The following ARHGDIG variants were observed in gnomAD, a reference collection of about 807,000 sequenced individuals.
ARHGDIG encodes the protein Rho GDP dissociation inhibitor gamma.
In ARHGDIG, 14 loss-of-function variants were observed where a neutral mutation model predicts 20.2. The observed-to-expected ratio is 0.69, with a 90% confidence interval of 0.46 to 1.08. The LOEUF (loss-of-function observed/expected upper bound fraction) is 1.08, where lower values mean the gene tolerates loss of function less well. Ranked by LOEUF, ARHGDIG falls within the 50% of genes least tolerant of loss-of-function variation. ARHGDIG has a pLI of 0.00. For missense variants in ARHGDIG, 311 were observed against 301.8 expected, an observed-to-expected ratio of 1.03 and a Z score of -0.23; for synonymous variants, 193 against 138.6, an observed-to-expected ratio of 1.39 and a Z score of -2.76.
At chr16:281,533 G>T in intron 1 of ARHGDIG, 1 of 541,690 alleles carries the variant, frequency 1.8e-6, no homozygotes, top group South Asian at 2.9e-5. Flanking sequence ...AGGCCTGGCG[G>T]TCTCTGGAGG....
Position 281,773 on chromosome 16 carries a change from C to T in ARHGDIG, c.101C>T (p.Pro34Leu), listed in dbSNP as rs894442219. The T allele has an allele frequency of 7.5e-6, 12 of 1,604,052 alleles. No individual in the cohort carries two copies. The East Asian group carries it at 1.3e-4, about 18-fold the overall frequency. Residue 34 changes from proline to leucine, a missense_variant, in exon 2 of 6, where the codon CCG (proline) becomes CTG (leucine). Coordinates refer to ENST00000219409, the MANE Select transcript of ARHGDIG (RefSeq NM_001176.4). ...CTCCTGGCTGACAAGGAGGGTGGGCCGCCGGCAGTGGACGAGGTGTTGGAT... is the reference window on the plus strand; with the variant it reads ...CTCCTGGCTGACAAGGAGGGTGGGCTGCCGGCAGTGGACGAGGTGTTGGAT... ...RVLLADKEGGPPAVDEVLDEA... is the reference protein window; with the variant it reads ...RVLLADKEGGLPAVDEVLDEA...
rs1291830439 is a variant in ARHGDIG, at chr16:280,695, C to T, written c.15C>T (p.Asp5=). 28 of 1,227,306 alleles carry T rather than the reference C, an allele frequency of 2.3e-5. No homozygotes were observed. Among genetic ancestry groups the T allele is most frequent in the Non-Finnish European group, 2.9e-5 (28 of 977,912 alleles). The allele number at this position is 1,227,306 out of a possible 1,614,324, so 76.0% of individuals were successfully genotyped here. The change falls in exon 1 of 6, where the codon GAC becomes GAT. Residue 5 remains aspartate, a synonymous_variant. Coordinates refer to ENST00000219409, the MANE Select transcript of ARHGDIG (RefSeq NM_001176.4). The surrounding 1 kb of genome is among the most constrained non-coding windows in gnomAD (Gnocchi z 6.6). ...CGCGCGCCGCCATGCTGGGCCTGGA[C>T]GCGTGCGAGCTGGGGGCGCAGCTGC... MLGL[D]ACELGAQLLE...
chr16:280,690 C>G lies in ARHGDIG; in HGVS notation c.10C>G (p.Leu4Val). Reference sequence around the variant, plus strand: ...CGGGCCGCGCGCCGCCATGCTGGGCCTGGACGCGTGCGAGCTGGGGGCGCA... The same window carrying G: ...CGGGCCGCGCGCCGCCATGCTGGGCGTGGACGCGTGCGAGCTGGGGGCGCA... MLG[L>V]DACELGAQLL... Residue 4 changes from leucine (L) to valine (V), a missense_variant, in exon 1 of 6, where the codon CTG (leucine) becomes GTG (valine). Transcript: ENST00000219409. The surrounding 1 kb of genome is among the most constrained non-coding windows in gnomAD (Gnocchi z 6.6). The G allele has an allele frequency of 8.2e-7, 1 of 1,213,206 alleles. No homozygotes were observed. 75.2% of individuals were successfully genotyped at this position (1,213,206 alleles called of 1,614,324 possible). A position where few individuals can be genotyped will look rare whatever the true frequency, so the allele number is the denominator to read the frequency against.
At position 280,966 on chromosome 16, in the gene ARHGDIG, C is replaced by G. The variant is rs562429863; in HGVS notation, c.73+213C>G. 3 of 239,802 alleles carry G rather than the reference C, an allele frequency of 1.3e-5. No homozygotes were observed. Among genetic ancestry groups the G allele is most frequent in the Middle Eastern group, 7.8e-4 (1 of 1,288 alleles). The allele number at this position is 239,802 out of a possible 1,614,324, so 14.9% of individuals were successfully genotyped here. ...CGGGTCGGCTTGGGAAGCGGCGGCG[C>G]TGGGACCCTCTCCCCCTGGACACCG... On this transcript the variant is annotated intron_variant, in intron 1 of 5. Coordinates refer to ENST00000219409, the MANE Select transcript of ARHGDIG (RefSeq NM_001176.4). This position sits in a 1 kb window ranked among gnomAD's most constrained non-coding sequence, Gnocchi z 6.6.
In ARHGDIG at chr16:280,746, C is replaced by T. The variant is rs2052274759; in HGVS notation, c.66C>T (p.Cys22=). ...TGGAGCTGCTCCGGCTGGCGCTGTG[C>T]GCCCGAGGTGAGCGGGCCGGGCAGG... ...QLLELLRLAL[C]ARVLLADKEG... is the part of the protein sequence containing the mutation. Residue 22 remains cysteine (C), a synonymous_variant, in exon 1 of 6, where the codon TGC becomes TGT. Coordinates refer to ENST00000219409, the MANE Select transcript of ARHGDIG (RefSeq NM_001176.4). This position sits in a 1 kb window ranked among gnomAD's most constrained non-coding sequence, Gnocchi z 6.6. The T allele has an allele frequency of 7.7e-7, 1 of 1,292,166 alleles. No homozygotes were observed. The highest frequency in any genetic ancestry group is 9.8e-7 in the Non-Finnish European group (1 of 1,015,944). 80.0% of individuals were successfully genotyped at this position (1,292,166 alleles called of 1,614,324 possible).
At chr16:282,428 C>T (rs1412765231) in intron 4 of ARHGDIG, 39 bp from the exon 5 acceptor site, 1 of 1,611,994 alleles carries the variant, frequency 6.2e-7, no homozygotes, top group African/African-American at 1.3e-5. Context: ...CAGCCAGAGG[C>T]CTGGCCCCCA....
At position 280,600 on chromosome 16, in the gene ARHGDIG, G is replaced by A. The variant is rs1362267664; in HGVS notation, c.-81G>A. The A allele has an allele frequency of 2.9e-5, 20 of 678,460 alleles. No homozygotes were observed. Among genetic ancestry groups the A allele is most frequent in the Non-Finnish European group, 3.4e-5 (19 of 552,184 alleles). 42.0% of individuals were successfully genotyped at this position (678,460 alleles called of 1,614,324 possible). On this transcript the variant is annotated 5_prime_UTR_variant, in exon 1 of 6. Transcript: ENST00000219409. The surrounding 1 kb of genome is among the most constrained non-coding windows in gnomAD (Gnocchi z 6.6). ...GGGATGAGCTCACCGCAGTCGCGCC[G>A]GGGCTGAGCGCCGAGCGGGGCGGCG...
intron 4 of ARHGDIG, 47 bp downstream of exon 4, chr16:282,420 G>A: frequency 6.2e-7 from 1 of 1,612,096 alleles, no homozygotes; most frequent in Non-Finnish European, 8.5e-7. Flanking sequence ...GGGGGCAACA[G>A]CCAGAGGCCT....
intron 5 of ARHGDIG, 28 bp downstream of exon 5, chr16:282,558 C>CGGGGGGGGGGGGGGAGGGGGGGG: frequency 7.6e-7 from 1 of 1,310,078 alleles, no homozygotes; most frequent in African/African-American, 1.8e-5. Flanking sequence ...GGGAACGGGG[C>CGGGGGGGGGGGGGGAGGGGGGGG]GGGGGGGGGA....
chr16:282,700 G>A lies in ARHGDIG; in HGVS notation c.564G>A (p.Arg188=), dbSNP rs1250587326. 3.1e-6 allele frequency: 5 copies of A among 1,603,134 alleles called. No individual in the cohort carries two copies. The highest frequency in any genetic ancestry group is 4.3e-6 in the Non-Finnish European group (5 of 1,174,760). ...EFVTPVEEAP[R]GALVRGPYLV... is the part of the protein sequence containing the mutation. The stretch of plus-strand genomic sequence containing the variant: ...TGACTCCGGTGGAGGAAGCGCCGAG[G>A]GGTGCGCTGGTGCGGGGCCCCTATC... The change falls in exon 6 of 6, where the codon AGG becomes AGA. Residue 188 remains arginine (R), a synonymous_variant. Coordinates refer to ENST00000219409, the MANE Select transcript of ARHGDIG (RefSeq NM_001176.4).
Position 281,901 on chromosome 16 carries a change from C to G in ARHGDIG, c.229C>G (p.Leu77Val). The G allele has an allele frequency of 6.2e-7, 1 of 1,605,940 alleles. No individual in the cohort carries two copies. The highest frequency in any genetic ancestry group is 8.5e-7 in the Non-Finnish European group (1 of 1,178,610). ...CCTGGCCAAGTACAAGCGGGTGCTG[C>G]TGGGGCCCCTGCCACCGGCCGTGGG... is the stretch of plus-strand genomic sequence containing the variant. ...RSLAKYKRVL[L>V]GPLPPAVDPS... Residue 77 changes from leucine to valine, a missense_variant, in exon 2 of 6, where the codon CTG (leucine) becomes GTG (valine). Leu to Val is a conservative substitution (Grantham distance 32). Transcript: ENST00000219409.
At chr16:281,536 T>C in intron 1 of ARHGDIG, 1 of 548,008 alleles carries the variant, frequency 1.8e-6, no homozygotes, top group Non-Finnish European at 3.2e-6. Flanking sequence ...CCTGGCGGTC[T>C]CTGGAGGCCC....
Position 282,385 on chromosome 16 carries a change from G to T in ARHGDIG, c.414+12G>T, listed in dbSNP as rs758644519. On this transcript the variant is annotated intron_variant, in intron 4 of 5. Coordinates refer to ENST00000219409, the MANE Select transcript of ARHGDIG (RefSeq NM_001176.4). ...AGATCTCCTTCAAGGTGAGAGCCGG[G>T]GCAATGGGCGGAGGGGATGGGGGTG... 4 of 1,612,282 alleles carry T rather than the reference G, an allele frequency of 2.5e-6. No homozygotes were observed. The African/African-American group carries it at 5.3e-5, about 22-fold the overall frequency.
chr16:282,429 C>G, intron 4 of ARHGDIG, 38 bp from the exon 5 acceptor site: 1 of 1,612,108 alleles, frequency 6.2e-7, no homozygotes, highest in Non-Finnish European at 8.5e-7. Flanking sequence ...AGCCAGAGGC[C>G]TGGCCCCCAG....
chr16:281,157 AT>A (rs1361627178), intron 1 of ARHGDIG: 1 of 153,818 alleles, frequency 6.5e-6, no homozygotes, highest in Non-Finnish European at 1.4e-5. Context: ...CCGGGGCGCC[AT>A]GGGAGGCGGC....
At chr16:281,629 C>A in intron 1 of ARHGDIG, 117 bp from the exon 2 acceptor site, 1 of 1,231,730 alleles carries the variant, frequency 8.1e-7, no homozygotes, top group Non-Finnish European at 1.1e-6. Context: ...CCCCCAGAGG[C>A]TTCCCTTGAG....
chr16:282,804 G>T lies in ARHGDIG; in HGVS notation c.668G>T (p.Trp223Leu). The T allele has an allele frequency of 6.2e-7, 1 of 1,602,594 alleles. No homozygotes were observed. Among genetic ancestry groups the T allele is most frequent in the East Asian group, 2.2e-5 (1 of 44,588 alleles). ...WEWGLCICQD[W>L]KD is the part of the protein sequence containing the mutation. Reference sequence around the variant, plus strand: ...TGGGGTCTCTGCATCTGCCAGGACTGGAAGGACTGAACCCCCAGTCCGTGT... The same window carrying T: ...TGGGGTCTCTGCATCTGCCAGGACTTGAAGGACTGAACCCCCAGTCCGTGT... The change falls in exon 6 of 6, where the codon TGG (tryptophan) becomes TTG (leucine). Residue 223 changes from tryptophan (W) to leucine (L), a missense_variant. Trp to Leu is a moderately conservative substitution (Grantham distance 61). Coordinates refer to ENST00000219409, the MANE Select transcript of ARHGDIG (RefSeq NM_001176.4).
At chr16:281,446 G>T in intron 1 of ARHGDIG, 2 of 360,848 alleles carry the variant, frequency 5.5e-6, no homozygotes, top group Non-Finnish European at 1.0e-5. Flanking sequence ...GCCCTCATCT[G>T]AAGTCTTCGC....
chr16:280,726 C>T lies in ARHGDIG; in HGVS notation c.46C>T (p.Leu16=). ...ACELGAQLLE[L]LRLALCARVL... ...CGAGCTGGGGGCGCAGCTGCTGGAGCTGCTCCGGCTGGCGCTGTGCGCCCG... is the reference window on the plus strand; with the variant it reads ...CGAGCTGGGGGCGCAGCTGCTGGAGTTGCTCCGGCTGGCGCTGTGCGCCCG... The change falls in exon 1 of 6, where the codon CTG becomes TTG. Residue 16 remains leucine (L), a synonymous_variant. Transcript: ENST00000219409. The surrounding 1 kb of genome is among the most constrained non-coding windows in gnomAD (Gnocchi z 6.6). 7.7e-7 allele frequency: 1 copy of T among 1,293,342 alleles called. No individual in the cohort carries two copies. Among genetic ancestry groups the T allele is most frequent in the South Asian group, 2.0e-5 (1 of 50,674 alleles). 80.1% of individuals were successfully genotyped at this position (1,293,342 alleles called of 1,614,324 possible).
Sources: allele counts gnomAD v4.1 joint callset, GRCh38; gene constraint gnomAD v4.1.1; non-coding constraint Gnocchi (gnomAD v3.1); transcripts MANE v1.5; gene names NCBI Gene and HGNC (gene_info 2026-07-23, HGNC 2026-07-21).